KIF26B: variants seen among roughly 807,000 people sequenced by gnomAD.
KIF26B encodes the protein kinesin family member 26B.
Under a neutral mutation model 151.2 loss-of-function variants are expected in KIF26B, and 63 were observed. The ratio of observed to expected loss-of-function variants is 0.42; its 90% CI spans 0.34 to 0.51. The LOEUF (loss-of-function observed/expected upper bound fraction) is 0.51. KIF26B is among the 20% of genes least tolerant of loss of function. KIF26B has a pLI of 0.07. For missense variants in KIF26B, 2,813 were observed against 2,913.6 expected, an observed-to-expected ratio of 0.97 and a Z score of 0.79; for synonymous variants, 1,357 against 1,262.1, an observed-to-expected ratio of 1.08 and a Z score of -1.59.
At chr1:245,405,719 G>A (rs2103029180) in intron 3 of KIF26B, among the ~76,000 whole-genome samples, 1 of 152,086 alleles carries the variant, frequency 6.6e-6, no homozygotes, top group African/African-American at 2.4e-5. Context: ...CACCAAGTTG[G>A]GCTTCTGTGT....
intron 2 of KIF26B, among the ~76,000 whole-genome samples, chr1:245,210,647 G>A (rs1669501196): frequency 6.6e-6 from 1 of 152,058 alleles, no homozygotes; most frequent in Non-Finnish European, 1.5e-5. Context: ...AAGCTGGAGG[G>A]TGAGTGTTTC....
chr1:245,573,578 T>A (rs543760260), intron 5 of KIF26B, among the ~76,000 whole-genome samples: 1 of 152,184 alleles, frequency 6.6e-6, no homozygotes, highest in East Asian at 1.9e-4. Flanking sequence ...TCCTCTGAAG[T>A]CAGTTCCTTG....
intron 2 of KIF26B, among the ~76,000 whole-genome samples, chr1:245,229,669 TGTAAC>T (rs1669951956): frequency 6.6e-6 from 1 of 152,256 alleles, no homozygotes; most frequent in South Asian, 2.1e-4. Context: ...TGACAGGCAC[TGTAAC>T]TATTGAAAGT....
At chr1:245,409,656 A>G (rs1455390892) in intron 3 of KIF26B, among the ~76,000 whole-genome samples, 2 of 152,222 alleles carry the variant, frequency 1.3e-5, no homozygotes, top group South Asian at 2.1e-4. Flanking sequence ...GCAAGCTAAG[A>G]TAATAAGAGT....
intron 3 of KIF26B, among the ~76,000 whole-genome samples, chr1:245,407,218 G>A (rs1005833737): frequency 7.2e-5 from 11 of 152,252 alleles, no homozygotes; most frequent in Middle Eastern, 3.4e-3. Context: ...ACTCATGCCC[G>A]GTATGGGGAA....
intron 5 of KIF26B, among the ~76,000 whole-genome samples, chr1:245,592,523 A>G (rs1293547912): frequency 2.6e-5 from 4 of 152,240 alleles, no homozygotes; most frequent in Non-Finnish European, 5.9e-5. Flanking sequence ...AAAAGTCTGT[A>G]TAAACTGTAA....
At chr1:245,308,513 T>TA (rs1331650661) in intron 2 of KIF26B, among the ~76,000 whole-genome samples, 3 of 152,162 alleles carry the variant, frequency 2.0e-5, no homozygotes, top group African/African-American at 7.2e-5. Flanking sequence ...AGTGTGTTTT[T>TA]AAAAAAAGCA....
chr1:245,303,928 G>A (rs928566593), intron 2 of KIF26B, among the ~76,000 whole-genome samples: 1 of 152,216 alleles, frequency 6.6e-6, no homozygotes, highest in Non-Finnish European at 1.5e-5. Context: ...CAGTACAGGT[G>A]CAGCCTCCTC....
intron 3 of KIF26B, among the ~76,000 whole-genome samples, chr1:245,417,402 T>C (rs573556404): frequency 5.3e-5 from 8 of 152,270 alleles, no homozygotes; most frequent in Admixed American, 3.3e-4. Context: ...CAAATTGGCT[T>C]GGGCAAATTG....
At chr1:245,350,818 C>T (rs926529453) in intron 2 of KIF26B, among the ~76,000 whole-genome samples, 5 of 152,168 alleles carry the variant, frequency 3.3e-5, no homozygotes, top group East Asian at 1.9e-4. Context: ...ATTCCAAGAT[C>T]GCAGTGTATA....
intron 2 of KIF26B, among the ~76,000 whole-genome samples, chr1:245,308,117 T>C (rs1246853782): frequency 2.6e-5 from 4 of 152,186 alleles, no homozygotes; most frequent in Non-Finnish European, 5.9e-5. Context: ...GCCGATTAAA[T>C]GGGAATTTTT....
At chr1:245,510,985 C>T (rs1031069319) in intron 4 of KIF26B, 5 of 669,192 alleles carry the variant, frequency 7.5e-6, no homozygotes, top group East Asian at 5.4e-5. Flanking sequence ...CCTTCACCTT[C>T]GCACAATTTT....
chr1:245,510,738 C>T (rs1210263833), intron 4 of KIF26B, among the ~76,000 whole-genome samples: 1 of 146,212 alleles, frequency 6.8e-6, no homozygotes, highest in Non-Finnish European at 1.5e-5. Flanking sequence ...CTTTGAGAAG[C>T]GTGCTTGCAT....
chr1:245,361,801 T>A (rs1053603490), intron 2 of KIF26B, among the ~76,000 whole-genome samples: 2 of 152,188 alleles, frequency 1.3e-5, no homozygotes, highest in Non-Finnish European at 2.9e-5. Flanking sequence ...CCTCTTCTTT[T>A]CCCGTCTTTC....
chr1:245,703,688 A>AGATT lies in KIF26B; in HGVS notation c.*1087_*1090dup, dbSNP rs1456392284. 13 of 152,300 alleles carry AGATT rather than the reference A, an allele frequency of 8.5e-5. No individual in the cohort carries two copies. Among genetic ancestry groups the AGATT allele is most frequent in the South Asian group, 8.3e-4 (4 of 4,822 alleles). 9.4% of individuals were successfully genotyped at this position (152,300 alleles called of 1,614,324 possible). ...TTAGTATTTTCTAGTGTTGTGTTGT[A>AGATT]GATTGATTAAAGTGGGTTTTTCCCC... On this transcript the variant is annotated 3_prime_UTR_variant, in exon 15 of 15. Transcript: ENST00000407071.
intron 9 of KIF26B, among the ~76,000 whole-genome samples, chr1:245,619,299 C>T (rs1340639418): frequency 6.6e-6 from 1 of 152,252 alleles, no homozygotes; most frequent in African/African-American, 2.4e-5. Flanking sequence ...TCCGCTGCGT[C>T]AGTGCTCAGG....
intron 2 of KIF26B, among the ~76,000 whole-genome samples, chr1:245,366,052 T>C (rs1672942011): frequency 6.6e-6 from 1 of 152,198 alleles, no homozygotes. Context: ...AGAACCTCTG[T>C]TCGAGGTTGC....
intron 5 of KIF26B, among the ~76,000 whole-genome samples, chr1:245,570,711 T>C (rs1190556551): frequency 6.6e-6 from 1 of 152,236 alleles, no homozygotes; most frequent in Non-Finnish European, 1.5e-5. Flanking sequence ...TCTTCGACTG[T>C]GGACCTCTGT....
intron 2 of KIF26B, among the ~76,000 whole-genome samples, chr1:245,310,765 G>T (rs1671650617): frequency 6.6e-6 from 1 of 152,210 alleles, no homozygotes; most frequent in Admixed American, 6.5e-5. Context: ...GAGAGCCCAG[G>T]GGAGGGAGGA....
Sources: allele counts gnomAD v4.1 joint callset (sites outside exome capture counted in the v4.1 genomes callset), GRCh38; gene constraint gnomAD v4.1.1; transcripts MANE v1.5; gene names NCBI Gene and HGNC (gene_info 2026-07-23, HGNC 2026-07-21).